The following CNTN5 variants were observed in gnomAD, a reference collection of about 807,000 sequenced individuals.
The protein encoded by CNTN5 is contactin 5, also known as contactin-5.
CNTN5 carries 77 observed loss-of-function variants against 129.1 expected under a neutral mutation model. That is an observed-to-expected ratio of 0.60 (90% CI 0.50 to 0.72). The LOEUF (loss-of-function observed/expected upper bound fraction) is 0.72. Ranked by LOEUF, CNTN5 falls within the 30% of genes least tolerant of loss-of-function variation. The pLI, the probability that CNTN5 is intolerant of heterozygous loss-of-function variation, is 0.00. For synonymous variants in CNTN5, 509 were observed against 465.6 expected, an observed-to-expected ratio of 1.09 and a Z score of -1.20; for missense variants, 1,478 against 1,328.8, an observed-to-expected ratio of 1.11 and a Z score of -1.75.
chr11:99,909,191 C>G (rs551197609), intron 6 of CNTN5, among the ~76,000 whole-genome samples: 1 of 151,978 alleles, frequency 6.6e-6, no homozygotes, highest in Non-Finnish European at 1.5e-5. Flanking sequence ...GATATGTTGT[C>G]CCATTCATAG....
intron 1 of CNTN5, among the ~76,000 whole-genome samples, chr11:99,185,746 G>GA (rs1027649749): frequency 4.6e-5 from 7 of 151,076 alleles, no homozygotes; most frequent in African/African-American, 1.7e-4. Context: ...TCTCTTTGGT[G>GA]AAAAAAGGAG....
intron 13 of CNTN5, among the ~76,000 whole-genome samples, chr11:100,104,295 G>A (rs561333758): frequency 1.3e-5 from 2 of 151,786 alleles, no homozygotes; most frequent in Admixed American, 6.6e-5. Context: ...GGGTTTTGCC[G>A]TGTTGGCCAG....
chr11:99,773,156 C>T (rs969739378), intron 3 of CNTN5, among the ~76,000 whole-genome samples: 2 of 152,066 alleles, frequency 1.3e-5, no homozygotes, highest in Non-Finnish European at 2.9e-5. Context: ...GAAACCACTA[C>T]ATAAGTCAAC....
chr11:99,082,985 T>C (rs1865867619), intron 1 of CNTN5, among the ~76,000 whole-genome samples: 1 of 152,018 alleles, frequency 6.6e-6, no homozygotes. Context: ...TCTTTCTACA[T>C]TCCCCCTTCT....
intron 4 of CNTN5, among the ~76,000 whole-genome samples, chr11:99,822,804 G>C (rs1479948849): frequency 6.6e-6 from 1 of 152,214 alleles, no homozygotes; most frequent in Non-Finnish European, 1.5e-5. Context: ...GTTGGCTATG[G>C]CTATTAACTT....
intron 8 of CNTN5, among the ~76,000 whole-genome samples, chr11:99,974,610 C>G (rs774471021): frequency 6.6e-6 from 1 of 152,208 alleles, no homozygotes; most frequent in South Asian, 2.1e-4. Context: ...ATTTATGAAA[C>G]TAGGAAGACT....
At chr11:100,160,409 G>T (rs1947407589) in intron 13 of CNTN5, among the ~76,000 whole-genome samples, 1 of 151,944 alleles carries the variant, frequency 6.6e-6, no homozygotes, top group Admixed American at 6.6e-5. Context: ...ATAGCAGAAT[G>T]ATTTATAATC....
intron 17 of CNTN5, among the ~76,000 whole-genome samples, chr11:100,267,228 C>T (rs1433680876): frequency 7.0e-6 from 1 of 143,866 alleles, no homozygotes; most frequent in South Asian, 2.2e-4. Flanking sequence ...CATCAAGTGG[C>T]CTTCTTTGTT....
At chr11:99,385,452 T>A (rs1479324063) in intron 2 of CNTN5, among the ~76,000 whole-genome samples, 2 of 152,174 alleles carry the variant, frequency 1.3e-5, no homozygotes, top group Non-Finnish European at 2.9e-5. Flanking sequence ...ATTATAGGTG[T>A]TATATTTTAT....
At chr11:99,536,164 T>A (rs945973912) in intron 2 of CNTN5, among the ~76,000 whole-genome samples, 1 of 152,286 alleles carries the variant, frequency 6.6e-6, no homozygotes, top group African/African-American at 2.4e-5. Context: ...AAAAGTAACA[T>A]TTATTCTCAT....
At chr11:100,261,150 A>G (rs745463412) in intron 17 of CNTN5, among the ~76,000 whole-genome samples, 4 of 152,186 alleles carry the variant, frequency 2.6e-5, no homozygotes, top group Non-Finnish European at 4.4e-5. Flanking sequence ...ATATATACCA[A>G]TAATAGACAA....
At chr11:99,896,294 T>A (rs569138513) in intron 6 of CNTN5, among the ~76,000 whole-genome samples, 3 of 152,206 alleles carry the variant, frequency 2.0e-5, no homozygotes, top group Non-Finnish European at 4.4e-5. Context: ...ATCCCCTGGC[T>A]GATCACTGCG....
intron 1 of CNTN5, among the ~76,000 whole-genome samples, chr11:99,300,507 A>G (rs896814668): frequency 2.0e-5 from 3 of 152,016 alleles, no homozygotes; most frequent in Non-Finnish European, 4.4e-5. Flanking sequence ...ATCCTGTTGA[A>G]TTTAGTTTGC....
intron 18 of CNTN5, among the ~76,000 whole-genome samples, chr11:100,290,004 C>A (rs1326545911): frequency 6.7e-6 from 1 of 149,574 alleles, no homozygotes; most frequent in African/African-American, 2.5e-5. Context: ...CTCCCATTCA[C>A]AATTGCTTCA....
At chr11:99,703,223 T>C (rs1954600785) in intron 3 of CNTN5, among the ~76,000 whole-genome samples, 2 of 140,210 alleles carry the variant, frequency 1.4e-5, no homozygotes, top group Non-Finnish European at 3.1e-5. Flanking sequence ...CAAAGGTATT[T>C]GGGGTTTTTT....
At chr11:99,097,365 A>G (rs1423544690) in intron 1 of CNTN5, among the ~76,000 whole-genome samples, 1 of 151,890 alleles carries the variant, frequency 6.6e-6, no homozygotes, top group Non-Finnish European at 1.5e-5. Context: ...AATATGATGT[A>G]TTACCACTAA....
At chr11:99,537,575 C>G (rs1295238984) in intron 2 of CNTN5, among the ~76,000 whole-genome samples, 1 of 152,096 alleles carries the variant, frequency 6.6e-6, no homozygotes, top group Non-Finnish European at 1.5e-5. Context: ...TAAAAATTGT[C>G]TATGCTTTCT....
chr11:99,427,288 T>C (rs1943161689), intron 2 of CNTN5, among the ~76,000 whole-genome samples: 1 of 152,192 alleles, frequency 6.6e-6, no homozygotes, highest in Non-Finnish European at 1.5e-5. Flanking sequence ...ACATTTTCTT[T>C]AGATCTTGAA....
chr11:100,001,924 A>G (rs2137474568), intron 8 of CNTN5, 110 bp from the exon 9 acceptor site: 3 of 754,690 alleles, frequency 4.0e-6, no homozygotes, highest in Non-Finnish European at 6.4e-6. Context: ...AACAGTCATC[A>G]AACAGACATT....
Sources: allele counts gnomAD v4.1 joint callset (sites outside exome capture counted in the v4.1 genomes callset), GRCh38; gene constraint gnomAD v4.1.1; transcripts MANE v1.5; gene names NCBI Gene and HGNC (gene_info 2026-07-23, HGNC 2026-07-21).